Variants in SLC6A20 observed in about 807,000 individuals in gnomAD.
SLC6A20 encodes the protein solute carrier family 6 member 20, also known as sodium- and chloride-dependent transporter XTRP3.
In SLC6A20, 73 loss-of-function variants were observed where a neutral mutation model predicts 64.3. That is an observed-to-expected ratio of 1.14 (90% confidence interval 0.94 to 1.38). SLC6A20 has a LOEUF of 1.38. Ranked by LOEUF, SLC6A20 falls within the 40% of genes most tolerant of loss-of-function variation. The pLI, the probability that SLC6A20 is intolerant of heterozygous loss-of-function variation, is 0.00. For synonymous variants in SLC6A20, 347 were observed against 329.6 expected, an observed-to-expected ratio of 1.05 and a Z score of -0.57; for missense variants, 725 against 772.8, an observed-to-expected ratio of 0.94 and a Z score of 0.73.
Position 45,765,665 on chromosome 3 carries a change from G to A in SLC6A20, c.1175C>T (p.Ser392Leu), listed in dbSNP as rs545433275. Residue 392 changes from serine (S) to leucine (L), a missense_variant, in exon 8 of 11, where the codon TCG (serine) becomes TTG (leucine). Physicochemically the swap from Ser to Leu is moderately radical, Grantham distance 145. Transcript: ENST00000358525. The surrounding 1 kb of genome is among the most constrained non-coding windows in gnomAD (Gnocchi z 4.2). ...CAGCAGCATGAAGAAGTAGAGCACC[G>A]ACCACAGCTGGGACACCTCCATGTT... The part of the protein sequence containing the change: ...IKNMEVSQLW[S>L]VLYFFMLLML... 35 of 1,614,166 alleles carry A rather than the reference G, an allele frequency of 2.2e-5. No homozygotes were observed. Among genetic ancestry groups the A allele is most frequent in the East Asian group, 8.9e-5 (4 of 44,884 alleles).
chr3:45,777,067 C>T (rs1559567849), intron 3 of SLC6A20, among the ~76,000 whole-genome samples: 1 of 152,200 alleles, frequency 6.6e-6, no homozygotes, highest in Admixed American at 6.5e-5. Flanking sequence ...TGAGGACCAG[C>T]CCCACATTGA....
In SLC6A20 at chr3:45,770,975, T is replaced by C. The variant is rs186390766; in HGVS notation, c.935+242A>G. Among the ~76,000 whole-genome samples the C allele has an allele frequency of 8.3e-4, 126 of 152,214 alleles. 2 individuals carry two copies. Among genetic ancestry groups the C allele is most frequent in the Middle Eastern group, 3.4e-3 (1 of 294 alleles). On this transcript the variant is annotated intron_variant, in intron 6 of 10. Coordinates refer to ENST00000358525, the MANE Select transcript of SLC6A20 (RefSeq NM_020208.4). ...GGAGATGGGGTAGAAGAAACAAAATTTGATCATTGTATGTCCTATTATGCT... is the reference window on the plus strand; with the variant it reads ...GGAGATGGGGTAGAAGAAACAAAATCTGATCATTGTATGTCCTATTATGCT...
rs1226786566 is a variant in SLC6A20 at position 45,765,723 on chromosome 3, G to A, written c.1117C>T (p.Leu373=). The change falls in exon 8 of 11, where the codon CTG becomes TTG. Residue 373 remains leucine, a synonymous_variant. Transcript: ENST00000358525. The surrounding 1 kb of genome is among the most constrained non-coding windows in gnomAD (Gnocchi z 4.2). ...ELDTAVQGTG[L]AFIVYTEAIK... is the part of the protein sequence containing the mutation. ...GCCTCTGTGTAGACGATGAATGCCA[G>A]GCCAGTGCCCTGGACGGCCTGCCCA... 1.9e-6 allele frequency: 3 copies of A among 1,614,044 alleles called. No individual in the cohort carries two copies.
In SLC6A20 at chr3:45,767,240, A is replaced by G. The variant is rs148458849; in HGVS notation, c.1099-1499T>C. Among the ~76,000 whole-genome samples the G allele has an allele frequency of 1.2e-3, 183 of 152,368 alleles. 5 individuals are homozygous for G. In the East Asian group the frequency reaches 0.029, roughly 24 times the overall value. ...TGAGCCAGCAATTCTAAATAGTGTT[A>G]AAATACTGCTCTCCTTCTCTTGCCT... On this transcript the variant is annotated intron_variant, in intron 7 of 10. Coordinates refer to ENST00000358525, the MANE Select transcript of SLC6A20 (RefSeq NM_020208.4).
At position 45,796,194 on chromosome 3, in the gene SLC6A20, C is replaced by T. The variant is rs924872970; in HGVS notation, c.121+105G>A. ...CTTCGGACAAATCACGCTCGCTTTC[C>T]CGGCCTCAGTGTGCCGTTCTGTAAC... On this transcript the variant is annotated intron_variant, in intron 1 of 10. Coordinates refer to ENST00000358525, the MANE Select transcript of SLC6A20 (RefSeq NM_020208.4). The T allele has an allele frequency of 1.1e-5, 16 of 1,499,448 alleles. No individual in the cohort carries two copies. In the Middle Eastern group the frequency reaches 9.5e-4, roughly 89 times the overall value. 92.9% of individuals were successfully genotyped at this position (1,499,448 alleles called of 1,614,324 possible).
At position 45,762,174 on chromosome 3, in the gene SLC6A20, G is replaced by A. The variant is rs368569198; in HGVS notation, c.1463+739C>T. Among the ~76,000 whole-genome samples, 326 of 152,336 alleles carry A rather than the reference G, an allele frequency of 2.1e-3. 12 individuals are homozygous for A. The South Asian group carries it at 0.065, about 30-fold the overall frequency. On this transcript the variant is annotated intron_variant, in intron 9 of 10. Coordinates refer to ENST00000358525, the MANE Select transcript of SLC6A20 (RefSeq NM_020208.4). The stretch of plus-strand genomic sequence containing the variant: ...GGGCCCGAGCTTCTGCAGTCCCAAC[G>A]AGCGCCTTGTTGCTGCTGCTCCCGC...
chr3:45,796,298 C>T lies in SLC6A20; in HGVS notation c.121+1G>A, dbSNP rs1296611386. 1.9e-6 allele frequency: 3 copies of T among 1,604,050 alleles called. No individual in the cohort carries two copies. The highest frequency in any genetic ancestry group is 2.6e-6 in the Non-Finnish European group (3 of 1,175,716). On this transcript the variant is annotated splice_donor_variant, in intron 1 of 10. Coordinates refer to ENST00000358525, the MANE Select transcript of SLC6A20 (RefSeq NM_020208.4). LOFTEE classifies it high-confidence loss of function. Reference sequence around the variant, plus strand: ...GGGGCCGGGGCGCGGTGGGCACTCACCTCCGCCGTACATCTGGCACAGGTA... The same window carrying T: ...GGGGCCGGGGCGCGGTGGGCACTCATCTCCGCCGTACATCTGGCACAGGTA...
intron 5 of SLC6A20, chr3:45,772,257 G>A: frequency 2.2e-6 from 1 of 446,654 alleles, no homozygotes. Flanking sequence ...GGGACAGTGA[G>A]GATGAAGAGG....
chr3:45,779,934 C>T (rs918779355), intron 3 of SLC6A20, 75 bp downstream of exon 3: 3 of 1,477,954 alleles, frequency 2.0e-6, no homozygotes, highest in Non-Finnish European at 2.8e-6. Flanking sequence ...ACACCCCCTT[C>T]CCCGAGCGGG....
chr3:45,790,365 C>T (rs1302480731), intron 1 of SLC6A20: 1 of 151,952 alleles, frequency 6.6e-6, no homozygotes, highest in Non-Finnish European at 1.5e-5. Context: ...CCGAGCACAC[C>T]AGGGGATGCT....
chr3:45,771,078 T>G, intron 6 of SLC6A20, 139 bp downstream of exon 6: 1 of 1,238,678 alleles, frequency 8.1e-7, no homozygotes, highest in Non-Finnish European at 1.1e-6. Context: ...CAGCAACTGG[T>G]GGTGGTGTAG....
chr3:45,768,514 A>G (rs1348001202), intron 7 of SLC6A20, among the ~76,000 whole-genome samples: 1 of 152,228 alleles, frequency 6.6e-6, no homozygotes, highest in Non-Finnish European at 1.5e-5. Context: ...GGTCACCTGA[A>G]CAGGACCTAG....
chr3:45,795,074 A>G (rs1165463239), intron 1 of SLC6A20, among the ~76,000 whole-genome samples: 1 of 152,130 alleles, frequency 6.6e-6, no homozygotes, highest in Non-Finnish European at 1.5e-5. Flanking sequence ...AACATCTTCC[A>G]TGATCTTTTA....
chr3:45,765,032 G>A lies in SLC6A20; in HGVS notation c.1303+505C>T, dbSNP rs1230863736. ...GTTCGAGACCAGCCTGGCCAACATGGTGAAACCCCTTCTCTACTAAAAATA... is the reference window on the plus strand; with the variant it reads ...GTTCGAGACCAGCCTGGCCAACATGATGAAACCCCTTCTCTACTAAAAATA... On this transcript the variant is annotated intron_variant, in intron 8 of 10. Transcript: ENST00000358525. The surrounding 1 kb of genome is among the most constrained non-coding windows in gnomAD (Gnocchi z 4.2). 6.6e-6 allele frequency among the ~76,000 whole-genome samples: 1 copy of A among 151,832 alleles called. No homozygotes were observed. Among genetic ancestry groups the A allele is most frequent in the African/African-American group, 2.4e-5 (1 of 41,292 alleles).
chr3:45,770,947 G>T (rs1350699207), intron 6 of SLC6A20, among the ~76,000 whole-genome samples: 1 of 152,210 alleles, frequency 6.6e-6, no homozygotes, highest in African/African-American at 2.4e-5. Context: ...CTTCTGAGGT[G>T]GGGGAGATGG....
chr3:45,778,540 G>T (rs1048699676), intron 3 of SLC6A20, among the ~76,000 whole-genome samples: 9 of 152,186 alleles, frequency 5.9e-5, no homozygotes, highest in African/African-American at 2.2e-4. Context: ...AGAAAAAGAT[G>T]CCCCTTTCTT....
rs754401996 is a variant in SLC6A20, at chr3:45,775,918, G to A, written c.425C>T (p.Ala142Val). The A allele has an allele frequency of 1.1e-5, 17 of 1,614,098 alleles. No individual in the cohort carries two copies. The African/African-American group carries it at 1.1e-4, about 10-fold the overall frequency. Residue 142 changes from alanine (A) to valine (V), a missense_variant, in exon 4 of 11, where the codon GCG becomes GTG. Ala to Val is a moderately conservative substitution (Grantham distance 64, BLOSUM62 0). Transcript: ENST00000358525. ...HTGYDEECEK[A>V]SSTQYFWYRK... Reference sequence around the variant, plus strand: ...GTACCAGAAGTACTGTGTGGAGGACGCCTTCTCACACTCCTCATCGTAGCC... The same window carrying A: ...GTACCAGAAGTACTGTGTGGAGGACACCTTCTCACACTCCTCATCGTAGCC...
At chr3:45,763,576 C>T (rs1559562141) in intron 8 of SLC6A20, among the ~76,000 whole-genome samples, 1 of 152,176 alleles carries the variant, frequency 6.6e-6, no homozygotes, top group South Asian at 2.1e-4. Flanking sequence ...CACCCAGATC[C>T]TCCCTTGTGC....
chr3:45,759,134 GGA>G lies in SLC6A20; in HGVS notation c.1630-9_1630-8del, dbSNP rs1177717046. ...CTTTGGTCACGAGCTGGCCCTGAAA[GGA>G]GAGACTGAGTGTCAGCAGAGAGCAC... On this transcript the variant is annotated splice_polypyrimidine_tract_variant and splice_region_variant and intron_variant, in intron 10 of 10. Transcript: ENST00000358525. The G allele has an allele frequency of 6.2e-6, 10 of 1,606,992 alleles. No homozygotes were observed. The highest frequency in any genetic ancestry group is 1.3e-5 in the African/African-American group (1 of 74,736).
Sources: gnomAD v4.1 joint callset for allele counts (sites outside exome capture counted in the v4.1 genomes callset) on GRCh38, gnomAD v4.1.1 for gene constraint, Gnocchi (gnomAD v3.1) non-coding constraint, MANE v1.5 for transcripts, NCBI Gene and HGNC (gene_info 2026-07-23, HGNC 2026-07-21) for gene names.